Variants in C3 observed in about 807,000 individuals in gnomAD.
C3 encodes complement C3, also known as C3 and PZP-like alpha-2-macroglobulin domain-containing protein 1.
A neutral mutation model predicts 207.9 loss-of-function variants in C3; 97 were observed. The ratio of observed to expected loss-of-function variants is 0.47; its 90% confidence interval spans 0.40 to 0.55. C3 has a LOEUF of 0.55. C3 is among the 20% of genes least tolerant of loss of function. The pLI is 0.00. For missense variants in C3, 1,684 were observed against 2,171.7 expected (o/e 0.78, Z 4.46); for synonymous variants, 848 against 857.6 (o/e 0.99, Z 0.20).
In C3 at chr19:6,678,421, G is replaced by A. The variant is rs542668902; in HGVS notation, c.4665C>T (p.Ser1555=). The A allele has an allele frequency of 1.9e-6, 3 of 1,614,042 alleles. No individual in the cohort carries two copies. The highest frequency in any genetic ancestry group is 2.5e-6 in the Non-Finnish European group (3 of 1,180,026). ...CCATGATGTACTCGTCAAAGTCATT[G>A]GACAGCTGAACCTTGACCAGTCGGG... ...YKTRLVKVQL[S]NDFDEYIMAI... Residue 1555 remains serine, a synonymous_variant, in exon 39 of 41, where the codon TCC becomes TCT. Transcript: ENST00000245907.
At chr19:6,708,511 C>T (rs1236097590) in intron 14 of C3, among the ~76,000 whole-genome samples, 1 of 151,054 alleles carries the variant, frequency 6.6e-6, no homozygotes, top group Non-Finnish European at 1.5e-5. Context: ...CTTCCTCCCT[C>T]CATTCCTCCT....
In C3 at chr19:6,677,804, C is replaced by T; in HGVS notation, c.*78G>A. The T allele has an allele frequency of 6.3e-7, 1 of 1,576,168 alleles. No homozygotes were observed. The highest frequency in any genetic ancestry group is 8.7e-7 in the Non-Finnish European group (1 of 1,151,624). Reference sequence around the variant, plus strand: ...AGGTGAGGCGGCTGGGGATTTCAGCCTCTCCCTCTTGGCAAAGAACTCCAG... The same window carrying T: ...AGGTGAGGCGGCTGGGGATTTCAGCTTCTCCCTCTTGGCAAAGAACTCCAG... On this transcript the variant is annotated 3_prime_UTR_variant, in exon 41 of 41. Coordinates refer to ENST00000245907, the MANE Select transcript of C3 (RefSeq NM_000064.4).
intron 17 of C3, among the ~76,000 whole-genome samples, chr19:6,705,667 T>TTTTTG (rs1328004861): frequency 7.4e-5 from 11 of 149,060 alleles, no homozygotes; most frequent in Admixed American, 2.0e-4. Flanking sequence ...TTCCTTTCTT[T>TTTTTG]TTTTGTTTTG....
At chr19:6,706,053 T>C (rs1199003063) in intron 17 of C3, among the ~76,000 whole-genome samples, 1 of 152,242 alleles carries the variant, frequency 6.6e-6, no homozygotes, top group African/African-American at 2.4e-5. Context: ...TCTCACCTGA[T>C]TCAAAAACTG....
At chr19:6,679,945 C>T (rs1917817230) in intron 36 of C3, among the ~76,000 whole-genome samples, 1 of 151,870 alleles carries the variant, frequency 6.6e-6, no homozygotes. Flanking sequence ...AATCCCTGGC[C>T]TGCTTAGACC....
intron 19 of C3, among the ~76,000 whole-genome samples, chr19:6,699,451 T>A (rs1478134425): frequency 2.0e-5 from 3 of 152,050 alleles, no homozygotes; most frequent in East Asian, 3.9e-4. Flanking sequence ...AAACCTAGCA[T>A]CCTGCGCTGG....
intron 26 of C3, among the ~76,000 whole-genome samples, 158 bp downstream of exon 26, chr19:6,692,766 G>T (rs1599505833): frequency 1.3e-5 from 2 of 152,092 alleles, no homozygotes; most frequent in South Asian, 4.1e-4. Flanking sequence ...CTGGAGTGAC[G>T]CCTCTGGCTC....
chr19:6,682,361 T>C (rs1005743166), intron 33 of C3, 132 bp from the exon 34 acceptor site: 2 of 718,564 alleles, frequency 2.8e-6, no homozygotes, highest in African/African-American at 1.8e-5. Context: ...GGGCGTTACA[T>C]TTTTTAGGAA....
At position 6,697,326 on chromosome 19, in the gene C3, G is replaced by A. The variant is rs1433728656; in HGVS notation, c.2796+18C>T. 1.9e-6 allele frequency: 3 copies of A among 1,588,446 alleles called. No homozygotes were observed. The highest frequency in any genetic ancestry group is 2.6e-6 in the Non-Finnish European group (3 of 1,156,976). The stretch of plus-strand genomic sequence containing the variant: ...CCTCTCTGAAGGACAAGGGTTTGTG[G>A]GTGCCCCAAGCACTCACCACGACCT... On this transcript the variant is annotated intron_variant, in intron 21 of 40. Transcript: ENST00000245907.
At chr19:6,701,883 G>C (rs1430202407) in intron 19 of C3, among the ~76,000 whole-genome samples, 1 of 152,062 alleles carries the variant, frequency 6.6e-6, no homozygotes, top group Admixed American at 6.6e-5. Context: ...GCCCAGAGCT[G>C]TTTCTTCCTT....
At chr19:6,694,343 G>T in intron 24 of C3, 88 bp downstream of exon 24, 1 of 1,161,588 alleles carries the variant, frequency 8.6e-7, no homozygotes, top group Non-Finnish European at 1.3e-6. Context: ...TCAGGGGAGG[G>T]CGTGGTCTTG....
In C3 at chr19:6,711,114, T is replaced by C. The variant is rs749155541; in HGVS notation, c.1352A>G (p.Asn451Ser). ...TGAGAGATGCAGGTAATTGTTGGAG[T>C]TGCCCACGGTGCTGTAGGGCAGAGC... ...MQALPYSTVG[N>S]SNNYLHLSVL... Residue 451 changes from asparagine to serine, a missense_variant, in exon 12 of 41, where the codon AAC becomes AGC. By Grantham distance (46) the Asn-to-Ser change is conservative. Transcript: ENST00000245907. The C allele has an allele frequency of 9.9e-6, 16 of 1,613,712 alleles. No homozygotes were observed. Among genetic ancestry groups the C allele is most frequent in the East Asian group, 4.5e-5 (2 of 44,886 alleles).
Position 6,707,477 on chromosome 19 carries a change from C to A in C3, c.2036G>T (p.Arg679Leu). 1 of 1,614,008 alleles carries A rather than the reference C, an allele frequency of 6.2e-7. No homozygotes were observed. ...GGAAAGGCTCCCACCTTTGTCCATTCGCTTCTCCGTGAGCTGCACGGAACG... is the reference window on the plus strand; with the variant it reads ...GGAAAGGCTCCCACCTTTGTCCATTAGCTTCTCCGTGAGCTGCACGGAACG... Reference protein sequence around the residue: ...RRRSVQLTEKRMDKVGKYPKE... With the variant: ...RRRSVQLTEKLMDKVGKYPKE... The change falls in exon 16 of 41, where the codon CGA (arginine) becomes CTA (leucine). Residue 679 changes from arginine (R) to leucine (L), a missense_variant. By Grantham distance (102) the Arg-to-Leu change is moderately radical. This residue lies in a region of C3 where 1,280 missense variants were observed against 1,739.1 expected (regional missense o/e 0.74). Transcript: ENST00000245907.
chr19:6,715,788 A>AT (rs113123232), intron 4 of C3, among the ~76,000 whole-genome samples: 20 of 148,724 alleles, frequency 1.3e-4, no homozygotes, highest in East Asian at 2.0e-4. Flanking sequence ...CGCCCAGCTA[A>AT]TTTTTTTTTT....
rs375917053 is a variant in C3, at chr19:6,710,312, G to T, written c.1686+327C>A. Among the ~76,000 whole-genome samples, 5 of 129,558 alleles carry T rather than the reference G, an allele frequency of 3.9e-5. 1 individual carries two copies. Among genetic ancestry groups the T allele is most frequent in the African/African-American group, 1.5e-4 (5 of 33,978 alleles). 85.0% of individuals were successfully genotyped at this position (129,558 alleles called of 152,430 possible). A position where few individuals can be genotyped will look rare whatever the true frequency, so the allele number is the denominator to read the frequency against. On this transcript the variant is annotated intron_variant, in intron 13 of 40. Coordinates refer to ENST00000245907, the MANE Select transcript of C3 (RefSeq NM_000064.4). ...AAAGAGAGGGGAGAGAGAGGGAAAGGGAAAGAGACAGGGAGAGAGAAAAGG... is the reference window on the plus strand; with the variant it reads ...AAAGAGAGGGGAGAGAGAGGGAAAGTGAAAGAGACAGGGAGAGAGAAAAGG...
intron 24 of C3, among the ~76,000 whole-genome samples, chr19:6,693,798 G>T (rs918008307): frequency 6.6e-6 from 1 of 152,132 alleles, no homozygotes; most frequent in Non-Finnish European, 1.5e-5. Flanking sequence ...GAGAGGACGT[G>T]GGGCCTCAGA....
intron 4 of C3, chr19:6,717,031 G>C (rs1968046443): frequency 6.6e-6 from 1 of 152,242 alleles, no homozygotes; most frequent in South Asian, 2.1e-4. Flanking sequence ...GGAGGAACAG[G>C]GAGGATGGCC....
intron 9 of C3, 66 bp from the exon 10 acceptor site, chr19:6,712,689 A>G: frequency 7.6e-7 from 1 of 1,313,430 alleles, no homozygotes; most frequent in Non-Finnish European, 1.1e-6. Context: ...CCTCCCTCAG[A>G]ATGGACCCCA....
chr19:6,697,049 T>TAAATAAA (rs202245108), intron 21 of C3, among the ~76,000 whole-genome samples: 4 of 91,550 alleles, frequency 4.4e-5, no homozygotes, highest in Admixed American at 1.3e-4. Flanking sequence ...CTCAAAAAAA[T>TAAATAAA]AAACAAACAA....
Sources: gnomAD v4.1 joint callset for allele counts (sites outside exome capture counted in the v4.1 genomes callset) on GRCh38, gnomAD v4.1.1 for gene constraint, gnomAD v4.1.1 regional missense constraint, MANE v1.5 for transcripts, NCBI Gene and HGNC (gene_info 2026-07-23, HGNC 2026-07-21) for gene names.